Variants in ZNF670 observed in about 807,000 individuals in gnomAD.
ZNF670 encodes zinc finger protein 670.
In ZNF670, 7 loss-of-function variants were observed where a neutral mutation model predicts 10.9. The observed-to-expected ratio is 0.64, with a 90% CI of 0.36 to 1.20. The LOEUF (loss-of-function observed/expected upper bound fraction) is 1.20. ZNF670 is among the 50% of genes most tolerant of loss of function. ZNF670 has a pLI of 0.02. For missense variants in ZNF670, 446 were observed against 458.6 expected (o/e 0.97, Z 0.25); for synonymous variants, 136 against 152.7 (o/e 0.89, Z 0.81).
rs1271555931 is a variant in ZNF670, at chr1:247,078,650, GT to G, written c.-55del. 8.7e-6 allele frequency: 14 copies of G among 1,605,948 alleles called. No individual in the cohort carries two copies. The highest frequency in any genetic ancestry group is 1.2e-5 in the Non-Finnish European group (14 of 1,174,862). On this transcript the variant is annotated 5_prime_UTR_variant, in exon 1 of 4. The change abolishes the stop of an existing upstream ORF in the 5' untranslated region. Transcript: ENST00000366503. ...CCTAAGGACCTTCCGGGACCTGCAG[GT>G]CCCAGAGCAACAGAAGCTGCCGCGG...
At chr1:247,060,961 C>T (rs2103065584) in intron 1 of ZNF670, among the ~76,000 whole-genome samples, 1 of 152,236 alleles carries the variant, frequency 6.6e-6, no homozygotes, top group South Asian at 2.1e-4. Context: ...AGTATTTCCG[C>T]TGACCATGCA....
intron 1 of ZNF670, among the ~76,000 whole-genome samples, chr1:247,064,199 G>A (rs1369381860): frequency 6.6e-6 from 1 of 152,228 alleles, no homozygotes; most frequent in Non-Finnish European, 1.5e-5. Context: ...CCGCAAGCAG[G>A]TCATAGGGCA....
intron 1 of ZNF670, among the ~76,000 whole-genome samples, chr1:247,063,237 T>C (rs1670898299): frequency 6.6e-6 from 1 of 152,140 alleles, no homozygotes; most frequent in South Asian, 2.1e-4. Context: ...GTTGATAATA[T>C]TGTCGTGAAC....
At chr1:247,051,782 A>ATTTTTTTTTTTT (rs58493948) in intron 1 of ZNF670, among the ~76,000 whole-genome samples, 1 of 138,216 alleles carries the variant, frequency 7.2e-6, no homozygotes, top group Non-Finnish European at 1.6e-5. Flanking sequence ...TTCTTTTTTC[A>ATTTTTTTTTTTT]TTTTTTTTTT....
At chr1:247,078,378 C>T (rs1002126738) in intron 1 of ZNF670, among the ~76,000 whole-genome samples, 1 of 152,180 alleles carries the variant, frequency 6.6e-6, no homozygotes, top group African/African-American at 2.4e-5. Context: ...GCAGAGCTGC[C>T]CAGAAAGGGT....
intron 1 of ZNF670, among the ~76,000 whole-genome samples, chr1:247,045,667 AC>A (rs1256988293): frequency 6.6e-6 from 1 of 152,188 alleles, no homozygotes; most frequent in African/African-American, 2.4e-5. Context: ...ATGGAATAAT[AC>A]ATAAAATTGG....
rs541710975 is a variant in ZNF670 at position 247,070,643 on chromosome 1, C to T, written c.3+7951G>A. ...CAAAAATAAATAAGTGGGACCTAATCAAACTAAAGAGCCTCTACACAACAA... is the reference window on the plus strand; with the variant it reads ...CAAAAATAAATAAGTGGGACCTAATTAAACTAAAGAGCCTCTACACAACAA... On this transcript the variant is annotated intron_variant, in intron 1 of 3. Transcript: ENST00000366503. 1.8e-4 allele frequency among the ~76,000 whole-genome samples: 28 copies of T among 152,230 alleles called. 1 individual carries two copies. In the South Asian group the frequency reaches 5.8e-3, roughly 32 times the overall value.
intron 1 of ZNF670, among the ~76,000 whole-genome samples, chr1:247,065,594 G>A (rs745588728): frequency 2.6e-5 from 4 of 152,102 alleles, no homozygotes; most frequent in Non-Finnish European, 5.9e-5. Context: ...GTGGAATAGC[G>A]TGCAGAGTAT....
intron 1 of ZNF670, among the ~76,000 whole-genome samples, chr1:247,049,486 T>C (rs1223466428): frequency 6.6e-6 from 1 of 152,226 alleles, no homozygotes; most frequent in Non-Finnish European, 1.5e-5. Context: ...GTTTCATTTA[T>C]CTTTTGTATT....
intron 1 of ZNF670, among the ~76,000 whole-genome samples, chr1:247,064,937 T>C (rs1274226636): frequency 6.6e-6 from 1 of 152,144 alleles, no homozygotes; most frequent in African/African-American, 2.4e-5. Flanking sequence ...GCCTCTCAAG[T>C]AGCTGGGACC....
At chr1:247,063,577 CAAAAA>C (rs5782410) in intron 1 of ZNF670, among the ~76,000 whole-genome samples, 4 of 93,280 alleles carry the variant, frequency 4.3e-5, no homozygotes, top group African/African-American at 1.2e-4. Context: ...AGCGAGACAC[CAAAAA>C]AAAAAAAAAA....
intron 1 of ZNF670, among the ~76,000 whole-genome samples, chr1:247,058,008 C>A (rs1572565564): frequency 6.6e-6 from 1 of 152,122 alleles, no homozygotes; most frequent in East Asian, 1.9e-4. Flanking sequence ...CAGTTTGTAA[C>A]ACAAAAGATA....
intron 1 of ZNF670, among the ~76,000 whole-genome samples, chr1:247,078,330 G>A (rs1443397161): frequency 6.6e-6 from 1 of 152,186 alleles, no homozygotes; most frequent in South Asian, 2.1e-4. Flanking sequence ...CCCTCCCGTC[G>A]GCACCGCACG....
intron 1 of ZNF670, among the ~76,000 whole-genome samples, chr1:247,050,828 C>A (rs1428141673): frequency 6.6e-6 from 1 of 152,118 alleles, no homozygotes; most frequent in South Asian, 2.1e-4. Flanking sequence ...GCATTTAGAT[C>A]ATTTACATTC....
At chr1:247,046,723 A>C (rs2103056406) in intron 1 of ZNF670, among the ~76,000 whole-genome samples, 1 of 152,278 alleles carries the variant, frequency 6.6e-6, no homozygotes, top group East Asian at 1.9e-4. Flanking sequence ...GGAGCTGTGG[A>C]AACAGGGCTG....
At chr1:247,045,366 T>G (rs953693317) in intron 1 of ZNF670, among the ~76,000 whole-genome samples, 2 of 152,168 alleles carry the variant, frequency 1.3e-5, no homozygotes, top group African/African-American at 4.8e-5. Context: ...ATCTGGGTCA[T>G]GGAGGCAGAT....
chr1:247,052,315 G>C (rs1044074304), intron 1 of ZNF670, among the ~76,000 whole-genome samples: 2 of 152,102 alleles, frequency 1.3e-5, no homozygotes, highest in Non-Finnish European at 2.9e-5. Context: ...CGTTTCCCTA[G>C]GGATGGGCTT....
In ZNF670 at chr1:247,071,913, A is replaced by AC. The variant is rs1671125373; in HGVS notation, c.3+6680_3+6681insG. On this transcript the variant is annotated intron_variant, in intron 1 of 3. Coordinates refer to ENST00000366503, the MANE Select transcript of ZNF670 (RefSeq NM_033213.5). ...CACTCTGTTGCCCAGGCTGGAGTGC[A>AC]GTGGTGCAATCTCGGCTCACTGCAA... 2.0e-5 allele frequency among the ~76,000 whole-genome samples: 3 copies of AC among 147,658 alleles called. No homozygotes were observed. The South Asian group carries it at 6.4e-4, about 31-fold the overall frequency.
intron 1 of ZNF670, among the ~76,000 whole-genome samples, chr1:247,053,726 G>A (rs185595599): frequency 5.7e-4 from 87 of 152,232 alleles, no homozygotes; most frequent in African/African-American, 2.1e-3. Flanking sequence ...TAAAACAGAC[G>A]CTGAAAAATT....
Sources: allele counts gnomAD v4.1 joint callset (sites outside exome capture counted in the v4.1 genomes callset), GRCh38; gene constraint gnomAD v4.1.1; transcripts MANE v1.5; gene names NCBI Gene and HGNC (gene_info 2026-07-23, HGNC 2026-07-21).